The following EYS variants were observed in gnomAD, a reference collection of about 807,000 sequenced individuals.
EYS encodes the protein protein eyes shut homolog.
Under a neutral mutation model 282.1 loss-of-function variants are expected in EYS, and 250 were observed. The observed-to-expected ratio is 0.89, with a 90% CI of 0.80 to 0.98. The LOEUF is 0.98. Among genes scored for constraint, EYS ranks in the 50% least tolerant of loss-of-function variants. The probability of loss-of-function intolerance (pLI) is 0.00; values close to 1 mark genes in which losing one functional copy is unlikely to be tolerated. For missense variants in EYS, 4,016 were observed against 3,709.0 expected (o/e 1.08, Z -2.15); for synonymous variants, 1,355 against 1,282.9 (o/e 1.06, Z -1.20).
At chr6:63,942,098 C>T (rs1414124998) in intron 35 of EYS, among the ~76,000 whole-genome samples, 1 of 152,102 alleles carries the variant, frequency 6.6e-6, no homozygotes, top group Non-Finnish European at 1.5e-5. Context: ...GCCTCTAGAT[C>T]AGGGGGTTAT....
chr6:63,981,239 G>A (rs1289698529), intron 35 of EYS, among the ~76,000 whole-genome samples: 1 of 151,714 alleles, frequency 6.6e-6, no homozygotes, highest in African/African-American at 2.4e-5. Flanking sequence ...TAGCTGTAGG[G>A]TTGGGTATTG....
At chr6:64,770,309 T>G (rs1478892998) in intron 22 of EYS, among the ~76,000 whole-genome samples, 1 of 151,988 alleles carries the variant, frequency 6.6e-6, no homozygotes, top group African/African-American at 2.4e-5. Flanking sequence ...AAAGTTATTG[T>G]TTTAAAGAAA....
At chr6:65,508,771 C>G (rs930923168) in intron 2 of EYS, among the ~76,000 whole-genome samples, 27 of 151,982 alleles carry the variant, frequency 1.8e-4, no homozygotes, top group African/African-American at 6.5e-4. Flanking sequence ...CCCTTGCTAA[C>G]AGTCCTGGCA....
intron 31 of EYS, among the ~76,000 whole-genome samples, chr6:64,195,268 A>G (rs1264127590): frequency 4.6e-5 from 7 of 152,180 alleles, no homozygotes; most frequent in African/African-American, 1.7e-4. Flanking sequence ...TTCTCGATTT[A>G]AAAAATGCAA....
intron 2 of EYS, among the ~76,000 whole-genome samples, chr6:65,518,256 T>C (rs1489723474): frequency 6.6e-6 from 1 of 152,110 alleles, no homozygotes; most frequent in Non-Finnish European, 1.5e-5. Context: ...TTTACTTCTA[T>C]AAAATTAACA....
chr6:65,109,448 A>G (rs994070787), intron 12 of EYS, among the ~76,000 whole-genome samples: 2 of 151,502 alleles, frequency 1.3e-5, no homozygotes, highest in African/African-American at 4.8e-5. Flanking sequence ...ACCTTTTTTT[A>G]CTTGGGCGGT....
intron 2 of EYS, among the ~76,000 whole-genome samples, chr6:65,637,998 C>T (rs1384679313): frequency 1.3e-5 from 2 of 152,154 alleles, no homozygotes; most frequent in Non-Finnish European, 2.9e-5. Context: ...GCCTGGGGGC[C>T]GGGTTGTCAG....
chr6:63,988,619 G>A (rs991547832), intron 34 of EYS, among the ~76,000 whole-genome samples: 3 of 151,580 alleles, frequency 2.0e-5, no homozygotes, highest in Non-Finnish European at 4.4e-5. Context: ...TATTCCTAAG[G>A]AGACAGGTCT....
chr6:64,337,964 T>C (rs956964264), intron 29 of EYS, among the ~76,000 whole-genome samples: 2 of 152,000 alleles, frequency 1.3e-5, no homozygotes, highest in African/African-American at 2.4e-5. Context: ...AAAATCAGCA[T>C]ACAAGGGACA....
At chr6:65,275,666 A>G (rs559363061) in intron 12 of EYS, among the ~76,000 whole-genome samples, 24 of 152,270 alleles carry the variant, frequency 1.6e-4, no homozygotes, top group Middle Eastern at 6.8e-3. Flanking sequence ...TCTGTAGCCA[A>G]TGGTTTGACT....
intron 2 of EYS, among the ~76,000 whole-genome samples, chr6:65,632,025 AAT>A (rs1446820190): frequency 6.6e-6 from 1 of 152,198 alleles, no homozygotes; most frequent in Non-Finnish European, 1.5e-5. Flanking sequence ...TATGGTAAAC[AAT>A]ATGTCTTAGG....
chr6:64,245,064 G>A (rs1288093513), intron 30 of EYS, among the ~76,000 whole-genome samples: 1 of 146,244 alleles, frequency 6.8e-6, no homozygotes, highest in East Asian at 2.1e-4. Context: ...ACCTTTGAGT[G>A]AGAACATGCA....
At chr6:64,183,246 C>T (rs1375149010) in intron 31 of EYS, among the ~76,000 whole-genome samples, 1 of 152,112 alleles carries the variant, frequency 6.6e-6, no homozygotes, top group African/African-American at 2.4e-5. Context: ...GTTAATTGAA[C>T]CTCTTTCCTT....
At chr6:64,248,476 A>C (rs1470511993) in intron 30 of EYS, among the ~76,000 whole-genome samples, 1 of 152,128 alleles carries the variant, frequency 6.6e-6, no homozygotes, top group Non-Finnish European at 1.5e-5. Context: ...TTTAGGAGAA[A>C]TACGGTTTGT....
At chr6:65,462,029 T>C (rs1764843025) in intron 5 of EYS, among the ~76,000 whole-genome samples, 1 of 152,034 alleles carries the variant, frequency 6.6e-6, no homozygotes, top group Admixed American at 6.6e-5. Context: ...TTCATAATCA[T>C]TAAAAATGGA....
chr6:64,625,216 G>C (rs762894502), intron 23 of EYS, among the ~76,000 whole-genome samples: 19 of 151,882 alleles, frequency 1.3e-4, no homozygotes, highest in Non-Finnish European at 2.4e-4. Flanking sequence ...AAAGAAAAAA[G>C]AAGGAAAAAA....
At chr6:64,887,332 A>C (rs1767126990) in intron 18 of EYS, among the ~76,000 whole-genome samples, 1 of 151,812 alleles carries the variant, frequency 6.6e-6, no homozygotes, top group South Asian at 2.1e-4. Flanking sequence ...CTAATATTAA[A>C]TGATGAGTTG....
intron 27 of EYS, among the ~76,000 whole-genome samples, chr6:64,437,849 T>C (rs1191912425): frequency 4.6e-5 from 7 of 151,458 alleles, no homozygotes; most frequent in Admixed American, 2.6e-4. Context: ...AAAGTCAAAC[T>C]AAGGGAATTT....
At chr6:65,690,717 C>T (rs542761649) in intron 1 of EYS, among the ~76,000 whole-genome samples, 3 of 150,280 alleles carry the variant, frequency 2.0e-5, no homozygotes, top group Admixed American at 6.7e-5. Context: ...TCTCCTAATG[C>T]TATCCCTCCT....
Sources: gnomAD v4.1 joint callset for allele counts (sites outside exome capture counted in the v4.1 genomes callset) on GRCh38, gnomAD v4.1.1 for gene constraint, MANE v1.5 for transcripts, NCBI Gene and HGNC (gene_info 2026-07-23, HGNC 2026-07-21) for gene names.